ANTXR2: variants seen among roughly 807,000 people sequenced by gnomAD.
ANTXR2 encodes ANTXR cell adhesion molecule 2.
A neutral mutation model predicts 73.7 loss-of-function variants in ANTXR2; 44 were observed. That is an observed-to-expected ratio of 0.60 (90% CI 0.47 to 0.77). The LOEUF (loss-of-function observed/expected upper bound fraction) is 0.77. Ranked by LOEUF, ANTXR2 falls within the 30% of genes least tolerant of loss-of-function variation. The pLI, the probability that ANTXR2 is intolerant of heterozygous loss-of-function variation, is 0.00. For missense variants in ANTXR2, 604 were observed against 592.5 expected (o/e 1.02, Z -0.20); for synonymous variants, 217 against 205.9 (o/e 1.05, Z -0.46).
chr4:79,921,665 G>A (rs1170105556), intron 16 of ANTXR2, among the ~76,000 whole-genome samples: 1 of 152,006 alleles, frequency 6.6e-6, no homozygotes, highest in Non-Finnish European at 1.5e-5. Context: ...CTTTCTGAAA[G>A]CTTACGAATA....
chr4:79,910,060 G>T (rs977549568), intron 16 of ANTXR2, among the ~76,000 whole-genome samples: 1 of 152,098 alleles, frequency 6.6e-6, no homozygotes, highest in African/African-American at 2.4e-5. Flanking sequence ...GTGTGACCAT[G>T]GGCGACTTAC....
rs10745242 is a variant in ANTXR2 at position 80,054,218 on chromosome 4, A to T, written c.636+54T>A. The stretch of plus-strand genomic sequence containing the variant: ...TGGATATTAAGATTACTTCTTATAG[A>T]TTAAAAAAATATACAAGGTTATGAG... On this transcript the variant is annotated intron_variant, in intron 7 of 16. Coordinates refer to ENST00000403729, the MANE Select transcript of ANTXR2 (RefSeq NM_058172.6). The T allele has an allele frequency of 0.65, 890,894 of 1,377,564 alleles. 292,996 individuals carry two copies. Among genetic ancestry groups the T allele is most frequent in the East Asian group, 0.95 (39,917 of 41,812 alleles). 85.3% of individuals were successfully genotyped at this position (1,377,564 alleles called of 1,614,324 possible). A position where few individuals can be genotyped will look rare whatever the true frequency, so the allele number is the denominator to read the frequency against.
chr4:79,924,949 A>G (rs1445614897), intron 16 of ANTXR2, among the ~76,000 whole-genome samples: 1 of 152,198 alleles, frequency 6.6e-6, no homozygotes, highest in Non-Finnish European at 1.5e-5. Context: ...GAAAAGCTAT[A>G]TGAGATGACA....
In ANTXR2 at chr4:79,984,848, G is replaced by T. The variant is rs769634026; in HGVS notation, c.1057C>A (p.Pro353Thr). Residue 353 changes from proline (P) to threonine (T), a missense_variant, in exon 13 of 17, where the codon CCA becomes ACA. By Grantham distance (38) the Pro-to-Thr change is conservative (BLOSUM62 -1). Coordinates refer to ENST00000403729, the MANE Select transcript of ANTXR2 (RefSeq NM_058172.6). ...LCCKVVIKDP[P>T]PPPAPAPKEE... The stretch of plus-strand genomic sequence containing the variant: ...TTTGGTGCAGGGGCGGGTGGTGGTG[G>T]AGGATCCTTAATAACCTGTCAAAAA... 3 of 1,606,760 alleles carry T rather than the reference G, an allele frequency of 1.9e-6. No individual in the cohort carries two copies. The highest frequency in any genetic ancestry group is 2.6e-6 in the Non-Finnish European group (3 of 1,176,044).
In ANTXR2 at chr4:79,966,907, C is replaced by T. The variant is rs1729389823; in HGVS notation, c.1428+10714G>A. On this transcript the variant is annotated intron_variant, in intron 16 of 16. Coordinates refer to ENST00000403729, the MANE Select transcript of ANTXR2 (RefSeq NM_058172.6). ...CTGGCGACTATAAGAATAGGGCGTCCGGGGAGGAGCCAAGATGGCCGAATA... is the reference window on the plus strand; with the variant it reads ...CTGGCGACTATAAGAATAGGGCGTCTGGGGAGGAGCCAAGATGGCCGAATA... Among the ~76,000 whole-genome samples, 2 of 81,104 alleles carry T rather than the reference C, an allele frequency of 2.5e-5. 1 individual carries two copies. Among genetic ancestry groups the T allele is most frequent in the East Asian group, 4.8e-3 (2 of 416 alleles). 53.2% of individuals were successfully genotyped at this position (81,104 alleles called of 152,430 possible). A position where few individuals can be genotyped will look rare whatever the true frequency, so the allele number is the denominator to read the frequency against.
chr4:79,976,079 A>G (rs573081813), intron 16 of ANTXR2, among the ~76,000 whole-genome samples: 1 of 151,642 alleles, frequency 6.6e-6, no homozygotes, highest in African/African-American at 2.4e-5. Flanking sequence ...CGCCCTGCTA[A>G]TTTTTTTTAT....
chr4:79,976,254 C>A (rs1025886380), intron 16 of ANTXR2, among the ~76,000 whole-genome samples: 4 of 152,070 alleles, frequency 2.6e-5, no homozygotes, highest in African/African-American at 9.7e-5. Flanking sequence ...AGTTGAAGTT[C>A]ATTAAGTTTA....
chr4:79,997,330 C>CA (rs145607451), intron 12 of ANTXR2, among the ~76,000 whole-genome samples: 12,732 of 151,032 alleles, frequency 0.084, 647 homozygotes, highest in Middle Eastern at 0.23. Context: ...TTGCCAGTGA[C>CA]AAAAAAAATG....
intron 7 of ANTXR2, among the ~76,000 whole-genome samples, chr4:80,043,614 C>T (rs1733381213): frequency 6.6e-6 from 1 of 152,006 alleles, no homozygotes; most frequent in African/African-American, 2.4e-5. Flanking sequence ...TCAGGGAACA[C>T]TGCTAACTAA....
chr4:79,918,314 T>C (rs7699282), intron 16 of ANTXR2, among the ~76,000 whole-genome samples: 86,895 of 151,816 alleles, frequency 0.57, 25,192 homozygotes, highest in Non-Finnish European at 0.6. Context: ...GCTCAGAACT[T>C]CCTAGAATTG....
intron 16 of ANTXR2, among the ~76,000 whole-genome samples, chr4:79,911,588 A>G (rs1476413384): frequency 6.6e-6 from 1 of 151,962 alleles, no homozygotes; most frequent in South Asian, 2.1e-4. Context: ...TAATATGCCA[A>G]AATAGAGGAA....
chr4:79,973,110 G>T (rs1040816124), intron 16 of ANTXR2, among the ~76,000 whole-genome samples: 1 of 151,346 alleles, frequency 6.6e-6, no homozygotes, highest in African/African-American at 2.4e-5. Flanking sequence ...GGAAAAGAGG[G>T]AGGGAAAGAG....
intron 16 of ANTXR2, among the ~76,000 whole-genome samples, chr4:79,961,115 C>G (rs77172303): frequency 5.9e-5 from 9 of 151,850 alleles, no homozygotes; most frequent in Non-Finnish European, 7.4e-5. Flanking sequence ...ACTGTATCCC[C>G]CCTTGGACTG....
chr4:79,999,812 G>A (rs957442808), intron 12 of ANTXR2, among the ~76,000 whole-genome samples: 3 of 151,886 alleles, frequency 2.0e-5, no homozygotes, highest in Admixed American at 6.6e-5. Context: ...CACTACTTGG[G>A]AGGCTGAAGC....
At chr4:80,035,184 AG>A (rs1732897952) in intron 8 of ANTXR2, among the ~76,000 whole-genome samples, 2 of 152,170 alleles carry the variant, frequency 1.3e-5, no homozygotes, top group South Asian at 4.1e-4. Flanking sequence ...TGTTATCTCT[AG>A]AAATGTATTA....
At chr4:79,972,953 G>A (rs1405593839) in intron 16 of ANTXR2, among the ~76,000 whole-genome samples, 6 of 135,604 alleles carry the variant, frequency 4.4e-5, no homozygotes, top group East Asian at 2.0e-4. Flanking sequence ...TAGGGCGTCC[G>A]AAGGCTTCAT....
chr4:79,974,259 A>C (rs1729539719), intron 16 of ANTXR2, among the ~76,000 whole-genome samples: 1 of 152,236 alleles, frequency 6.6e-6, no homozygotes, highest in African/African-American at 2.4e-5. Context: ...AAAGCTAAAA[A>C]GAATAGGTAT....
chr4:80,045,593 T>C (rs80106698), intron 7 of ANTXR2, among the ~76,000 whole-genome samples: 7 of 150,364 alleles, frequency 4.7e-5, no homozygotes, highest in Admixed American at 1.3e-4. Flanking sequence ...TTTTTTTTTT[T>C]CCTGACTCAT....
At chr4:80,067,929 C>G (rs181467062) in intron 3 of ANTXR2, among the ~76,000 whole-genome samples, 5 of 152,280 alleles carry the variant, frequency 3.3e-5, no homozygotes, top group Admixed American at 6.5e-5. Context: ...CCACGGCACA[C>G]GTTTACCTAT....
Sources: gnomAD v4.1 joint callset for allele counts (sites outside exome capture counted in the v4.1 genomes callset) on GRCh38, gnomAD v4.1.1 for gene constraint, MANE v1.5 for transcripts, NCBI Gene and HGNC (gene_info 2026-07-23, HGNC 2026-07-21) for gene names.